The following ZNF407 variants were observed in gnomAD, a reference collection of about 807,000 sequenced individuals.
ZNF407 encodes the protein zinc finger protein 407.
Under a neutral mutation model 131.2 loss-of-function variants are expected in ZNF407, and 17 were observed. That is an observed-to-expected ratio of 0.13 (90% CI 0.09 to 0.19). The LOEUF (loss-of-function observed/expected upper bound fraction) is 0.19. Among genes scored for constraint, ZNF407 ranks in the 10% least tolerant of loss-of-function variants. The pLI is 1.00. For synonymous variants in ZNF407, 1,156 were observed against 1,062.0 expected (o/e 1.09, Z -1.72); for missense variants, 2,681 against 2,830.6 (o/e 0.95, Z 1.20).
At chr18:74,999,733 G>A (rs1043343846) in intron 8 of ZNF407, among the ~76,000 whole-genome samples, 2 of 152,146 alleles carry the variant, frequency 1.3e-5, no homozygotes, top group African/African-American at 2.4e-5. Flanking sequence ...TAGGAAATAC[G>A]TCTTGATTAT....
intron 3 of ZNF407, among the ~76,000 whole-genome samples, chr18:74,705,518 A>G (rs910617050): frequency 2.0e-5 from 3 of 152,234 alleles, no homozygotes. Flanking sequence ...TTGTACCTCT[A>G]TTCCACATCT....
At chr18:74,663,397 T>C (rs1323856639) in intron 3 of ZNF407, among the ~76,000 whole-genome samples, 1 of 152,096 alleles carries the variant, frequency 6.6e-6, no homozygotes, top group African/African-American at 2.4e-5. Flanking sequence ...GACAGAAACC[T>C]GGGAGGGATA....
chr18:74,856,941 C>T (rs1300900757), intron 4 of ZNF407, among the ~76,000 whole-genome samples: 1 of 152,170 alleles, frequency 6.6e-6, no homozygotes. Context: ...AGCTTACATG[C>T]CACCAAGCCA....
At chr18:74,903,198 G>A (rs1047802128) in intron 7 of ZNF407, among the ~76,000 whole-genome samples, 21 of 152,080 alleles carry the variant, frequency 1.4e-4, no homozygotes, top group African/African-American at 1.9e-4. Context: ...GCCAGCTTCC[G>A]GCTTGAACTC....
At chr18:74,714,042 G>C (rs927609231) in intron 3 of ZNF407, among the ~76,000 whole-genome samples, 2 of 152,196 alleles carry the variant, frequency 1.3e-5, no homozygotes, top group Admixed American at 6.5e-5. Flanking sequence ...TTCAGCTGAG[G>C]TGTAGTAATT....
chr18:74,604,839 G>A (rs944687275), intron 1 of ZNF407, among the ~76,000 whole-genome samples: 3 of 152,172 alleles, frequency 2.0e-5, no homozygotes, highest in Non-Finnish European at 4.4e-5. Flanking sequence ...CACTCACCAT[G>A]TGTAAGAGTC....
intron 4 of ZNF407, among the ~76,000 whole-genome samples, chr18:74,868,526 T>TAA (rs1419846962): frequency 1.3e-5 from 2 of 152,200 alleles, no homozygotes; most frequent in African/African-American, 4.8e-5. Context: ...CCAAACTTCT[T>TAA]TAATTATCAA....
At chr18:74,983,929 T>G (rs1485777396) in intron 8 of ZNF407, among the ~76,000 whole-genome samples, 3 of 152,258 alleles carry the variant, frequency 2.0e-5, no homozygotes, top group African/African-American at 7.2e-5. Flanking sequence ...GGGAAAGAAC[T>G]GGCAGGTCTA....
At chr18:74,870,112 G>A (rs1326269730) in intron 4 of ZNF407, among the ~76,000 whole-genome samples, 2 of 152,136 alleles carry the variant, frequency 1.3e-5, no homozygotes, top group Non-Finnish European at 2.9e-5. Context: ...AGTAGACTGA[G>A]GCAGCCTGGG....
chr18:74,914,159 T>C, intron 7 of ZNF407, among the ~76,000 whole-genome samples: 1 of 152,214 alleles, frequency 6.6e-6, no homozygotes, highest in Non-Finnish European at 1.5e-5. Flanking sequence ...AGTGTGAAGC[T>C]TGGCGCTGGG....
intron 3 of ZNF407, among the ~76,000 whole-genome samples, chr18:74,737,895 T>C (rs1187286821): frequency 1.3e-5 from 2 of 152,238 alleles, no homozygotes; most frequent in African/African-American, 4.8e-5. Context: ...TATTTTGTTA[T>C]ATTTATGAAC....
At chr18:74,738,895 T>C (rs1359018269) in intron 3 of ZNF407, among the ~76,000 whole-genome samples, 1 of 152,172 alleles carries the variant, frequency 6.6e-6, no homozygotes, top group Non-Finnish European at 1.5e-5. Flanking sequence ...TAAGGAGATT[T>C]GAAAAGATAT....
At chr18:75,027,005 G>GT (rs1973179158) in intron 8 of ZNF407, among the ~76,000 whole-genome samples, 1 of 152,240 alleles carries the variant, frequency 6.6e-6, no homozygotes, top group Admixed American at 6.5e-5. Context: ...ATAACTGCAA[G>GT]TTACGACAAG....
chr18:74,814,216 A>G (rs1273877002), intron 4 of ZNF407, among the ~76,000 whole-genome samples: 1 of 151,882 alleles, frequency 6.6e-6, no homozygotes, highest in Non-Finnish European at 1.5e-5. Flanking sequence ...GCTCCCTGTA[A>G]CCTCCACCTC....
intron 3 of ZNF407, among the ~76,000 whole-genome samples, chr18:74,696,617 AATGTGT>A (rs1021544056): frequency 2.6e-5 from 4 of 152,278 alleles, no homozygotes; most frequent in Admixed American, 2.0e-4. Flanking sequence ...ATAGGGTTAT[AATGTGT>A]GTGTGTGTGT....
rs74679813 is a variant in ZNF407 at position 74,649,442 on chromosome 18, T to C, written c.4802+8320T>C. On this transcript the variant is annotated intron_variant, in intron 3 of 8. Coordinates refer to ENST00000299687, the MANE Select transcript of ZNF407 (RefSeq NM_017757.3). ...TCATTATAATATTAGAAAATAAGTA[T>C]GATTTTTTACATTGTGGCTAGGGAC... Among the ~76,000 whole-genome samples the C allele has an allele frequency of 2.2e-3, 338 of 152,340 alleles. 8 individuals are homozygous for C. The East Asian group carries it at 0.053, about 24-fold the overall frequency.
chr18:74,778,345 G>A (rs543952085), intron 3 of ZNF407, among the ~76,000 whole-genome samples: 21 of 152,280 alleles, frequency 1.4e-4, no homozygotes, highest in Admixed American at 3.3e-4. Flanking sequence ...GGCAGGCACC[G>A]TGCCTTCATC....
intron 8 of ZNF407, among the ~76,000 whole-genome samples, chr18:75,031,487 T>G (rs959998995): frequency 3.9e-5 from 6 of 152,188 alleles, no homozygotes; most frequent in African/African-American, 1.4e-4. Context: ...TTAATTAGAC[T>G]TTTGTTTTGC....
intron 8 of ZNF407, among the ~76,000 whole-genome samples, chr18:75,037,999 T>C (rs1286898747): frequency 1.7e-4 from 26 of 152,222 alleles, no homozygotes. Context: ...TCTTTATAAC[T>C]AAATATCCAT....
Sources: gnomAD v4.1 joint callset for allele counts (sites outside exome capture counted in the v4.1 genomes callset) on GRCh38, gnomAD v4.1.1 for gene constraint, MANE v1.5 for transcripts, NCBI Gene and HGNC (gene_info 2026-07-23, HGNC 2026-07-21) for gene names.